LEF1: variants seen among roughly 807,000 people sequenced by gnomAD.
LEF1 encodes the protein lymphoid enhancer binding factor 1, also known as lymphoid enhancer-binding factor 1.
In LEF1, 14 loss-of-function variants were observed where a neutral mutation model predicts 51.2. The observed-to-expected ratio is 0.27, with a 90% CI of 0.18 to 0.43. LEF1 has a LOEUF of 0.43. Ranked by LOEUF, LEF1 falls within the 20% of genes least tolerant of loss-of-function variation. The pLI is 1.00. For missense variants in LEF1, 386 were observed against 512.0 expected, an observed-to-expected ratio of 0.75 and a Z score of 2.37; for synonymous variants, 185 against 183.2, an observed-to-expected ratio of 1.01 and a Z score of -0.08.
At chr4:108,109,141 A>G (rs1741363127) in intron 3 of LEF1, among the ~76,000 whole-genome samples, 1 of 152,258 alleles carries the variant, frequency 6.6e-6, no homozygotes, top group African/African-American at 2.4e-5. Context: ...ATCTTTAGGC[A>G]TATTTCAGTT....
At chr4:108,111,584 A>G (rs958513166) in intron 3 of LEF1, among the ~76,000 whole-genome samples, 1 of 152,226 alleles carries the variant, frequency 6.6e-6, no homozygotes, top group East Asian at 1.9e-4. Flanking sequence ...GAGGAAGAGT[A>G]AAGAAAAAAT....
intron 3 of LEF1, among the ~76,000 whole-genome samples, chr4:108,126,869 ATGTGTGTG>A (rs34301406): frequency 6.8e-6 from 1 of 146,454 alleles, no homozygotes; most frequent in Admixed American, 6.9e-5. Context: ...ATTTACTGAT[ATGTGTGTG>A]TGTGTGTGTG....
At chr4:108,078,546 T>C (rs1739073347) in intron 7 of LEF1, 164 bp from the exon 8 acceptor site, 10 of 797,908 alleles carry the variant, frequency 1.3e-5, no homozygotes, top group Non-Finnish European at 2.1e-5. Flanking sequence ...ATTGACTCAT[T>C]TGACAAAACA....
At chr4:108,056,775 C>T (rs1448366973) in intron 11 of LEF1, among the ~76,000 whole-genome samples, 1 of 152,118 alleles carries the variant, frequency 6.6e-6, no homozygotes, top group Non-Finnish European at 1.5e-5. Flanking sequence ...GCCACCACAA[C>T]CTCCACCTCC....
At chr4:108,095,454 C>A (rs1740317609) in intron 3 of LEF1, among the ~76,000 whole-genome samples, 1 of 152,088 alleles carries the variant, frequency 6.6e-6, no homozygotes, top group Non-Finnish European at 1.5e-5. Flanking sequence ...TTGTTTGATA[C>A]CAAAGTCCCT....
At chr4:108,055,574 A>G (rs1737258227) in intron 11 of LEF1, among the ~76,000 whole-genome samples, 1 of 152,228 alleles carries the variant, frequency 6.6e-6, no homozygotes, top group Non-Finnish European at 1.5e-5. Context: ...AAACAGTTCT[A>G]TTAAACAAAA....
rs1326981783 is a variant in LEF1, at chr4:108,168,048, C to A, written c.-281G>T. ...GAAGGGCACTGGGCGGCGAGGGCTG[C>A]GGTAGCTGGCGACTCCGGGGGCGTC... On this transcript the variant is annotated 5_prime_UTR_variant, in exon 1 of 12. Coordinates refer to ENST00000265165, the MANE Select transcript of LEF1 (RefSeq NM_016269.5). This position sits in a 1 kb window ranked among gnomAD's most constrained non-coding sequence, Gnocchi z 4.6. The A allele has an allele frequency of 3.1e-5, 5 of 160,270 alleles. No individual in the cohort carries two copies. The highest frequency in any genetic ancestry group is 1.2e-4 in the African/African-American group (5 of 41,608). The allele number at this position is 160,270 out of a possible 1,614,324, so 9.9% of individuals were successfully genotyped here.
chr4:108,085,319 G>A (rs1209698787), intron 4 of LEF1, among the ~76,000 whole-genome samples: 1 of 152,180 alleles, frequency 6.6e-6, no homozygotes, highest in Non-Finnish European at 1.5e-5. Flanking sequence ...CCTGACCTCA[G>A]GTGATCCGCC....
rs757830628 is a variant in LEF1 at position 108,167,763 on chromosome 4, G to A, written c.5C>T (p.Pro2Leu). The A allele has an allele frequency of 6.2e-7, 1 of 1,612,074 alleles. No individual in the cohort carries two copies. The highest frequency in any genetic ancestry group is 8.5e-7 in the Non-Finnish European group (1 of 1,179,906). ...GCCGCCACCTCCTCCGGAGAGTTGG[G>A]GCATCCCGGCGGCTCTGTAATCTCC... M[P>L]QLSGGGGGGG... is the part of the protein sequence containing the mutation. Residue 2 changes from proline to leucine, a missense_variant, in exon 1 of 12, where the codon CCC (proline) becomes CTC (leucine). Physicochemically the swap from Pro to Leu is moderately conservative, Grantham distance 98. Transcript: ENST00000265165. The surrounding 1 kb of genome is among the most constrained non-coding windows in gnomAD (Gnocchi z 5.7).
chr4:108,086,912 T>C (rs1739688347), intron 4 of LEF1, among the ~76,000 whole-genome samples: 1 of 152,086 alleles, frequency 6.6e-6, no homozygotes, highest in East Asian at 1.9e-4. Context: ...CAAATGAGAA[T>C]GAGCTCTGCT....
At chr4:108,064,856 CCA>C (rs1303767793) in intron 9 of LEF1, among the ~76,000 whole-genome samples, 1 of 152,026 alleles carries the variant, frequency 6.6e-6, no homozygotes, top group Non-Finnish European at 1.5e-5. Flanking sequence ...TACTTAGAAC[CCA>C]CTTCTGGTAG....
At chr4:108,120,227 C>T (rs1315772254) in intron 3 of LEF1, among the ~76,000 whole-genome samples, 3 of 151,996 alleles carry the variant, frequency 2.0e-5, no homozygotes, top group Admixed American at 1.3e-4. Context: ...GATGGGGTCT[C>T]GCTTTGTTGC....
intron 6 of LEF1, 49 bp downstream of exon 6, chr4:108,081,537 C>T (rs758583812): frequency 1.2e-5 from 17 of 1,477,126 alleles, no homozygotes; most frequent in Middle Eastern, 3.9e-4. Flanking sequence ...GATGCAAGCA[C>T]GAGAAGAGCA....
At chr4:108,084,454 A>G (rs1739512505) in intron 4 of LEF1, among the ~76,000 whole-genome samples, 1 of 152,240 alleles carries the variant, frequency 6.6e-6, no homozygotes, top group Non-Finnish European at 1.5e-5. Flanking sequence ...AGTACATGGA[A>G]GATGTTTCTT....
intron 3 of LEF1, among the ~76,000 whole-genome samples, chr4:108,149,780 T>C (rs562339946): frequency 9.9e-5 from 15 of 151,874 alleles, no homozygotes; most frequent in African/African-American, 3.4e-4. Flanking sequence ...AATAATCTTA[T>C]AAGCTCATTT....
At chr4:108,160,127 T>C (rs1290209986) in intron 3 of LEF1, among the ~76,000 whole-genome samples, 2 of 152,202 alleles carry the variant, frequency 1.3e-5, no homozygotes, top group South Asian at 2.1e-4. Flanking sequence ...AAATGGAAGA[T>C]TGACGCCTAA....
At chr4:108,071,863 T>C (rs7696959) in intron 8 of LEF1, 129,023 of 152,546 alleles carry the variant, frequency 0.85, 55,727 homozygotes, top group East Asian at 0.97. Context: ...CACATACACA[T>C]GCAAAACACA....
At chr4:108,089,317 C>CAAAA in intron 3 of LEF1, 60 bp from the exon 4 acceptor site, 1 of 1,556,944 alleles carries the variant, frequency 6.4e-7, no homozygotes, top group Non-Finnish European at 8.7e-7. Context: ...TCTTTTCTCC[C>CAAAA]AAAGAAAAAA....
intron 8 of LEF1, among the ~76,000 whole-genome samples, chr4:108,076,305 G>C (rs889377221): frequency 1.5e-4 from 23 of 152,106 alleles, no homozygotes; most frequent in Admixed American, 1.5e-3. Flanking sequence ...CCAGAAAGGG[G>C]CTGTACCTAT....
Sources: allele counts gnomAD v4.1 joint callset (sites outside exome capture counted in the v4.1 genomes callset), GRCh38; gene constraint gnomAD v4.1.1; non-coding constraint Gnocchi (gnomAD v3.1); transcripts MANE v1.5; gene names NCBI Gene and HGNC (gene_info 2026-07-23, HGNC 2026-07-21).